The following LRRC3B variants were observed in gnomAD, a reference collection of about 807,000 sequenced individuals.
LRRC3B encodes the protein leucine rich repeat containing 3B, also known as leucine-rich repeat-containing protein 3B.
A neutral mutation model predicts 12.8 loss-of-function variants in LRRC3B; 2 were observed. The observed-to-expected ratio is 0.16, with a 90% CI of 0.06 to 0.49. The LOEUF (loss-of-function observed/expected upper bound fraction) is 0.49, where lower values mean the gene tolerates loss of function less well. Among genes scored for constraint, LRRC3B ranks in the 20% least tolerant of loss-of-function variants. LRRC3B has a pLI of 0.96. For missense variants in LRRC3B, 189 were observed against 319.4 expected, an observed-to-expected ratio of 0.59 and a Z score of 3.11; for synonymous variants, 132 against 122.0, an observed-to-expected ratio of 1.08 and a Z score of -0.54.
chr3:26,705,232 A>G (rs1196005855), intron 1 of LRRC3B, among the ~76,000 whole-genome samples: 1 of 152,212 alleles, frequency 6.6e-6, no homozygotes, highest in Non-Finnish European at 1.5e-5. Context: ...CAATCCCAGA[A>G]TTAACTGCTG....
intron 1 of LRRC3B, among the ~76,000 whole-genome samples, chr3:26,661,729 G>C (rs1280102630): frequency 6.6e-6 from 1 of 152,066 alleles, no homozygotes; most frequent in African/African-American, 2.4e-5. Flanking sequence ...GTTTATAGTA[G>C]TGGCCACACT....
intron 1 of LRRC3B, among the ~76,000 whole-genome samples, chr3:26,678,158 G>A (rs1661438721): frequency 6.6e-6 from 1 of 151,994 alleles, no homozygotes; most frequent in African/African-American, 2.4e-5. Flanking sequence ...ACATATGAAA[G>A]TCCAAGAGGC....
intron 1 of LRRC3B, among the ~76,000 whole-genome samples, chr3:26,648,074 A>G (rs570569791): frequency 6.6e-6 from 1 of 152,096 alleles, no homozygotes; most frequent in East Asian, 1.9e-4. Context: ...GTATGGTATA[A>G]AAAGTTTGGG....
chr3:26,677,735 C>T (rs1252374277), intron 1 of LRRC3B, among the ~76,000 whole-genome samples: 3 of 152,176 alleles, frequency 2.0e-5, no homozygotes, highest in Non-Finnish European at 4.4e-5. Flanking sequence ...TTCTTATTGT[C>T]AGTCAAAATT....
exon 2 of LRRC3B, chr3:26,710,110 C>T (rs982078064): frequency 3.1e-6 from 5 of 1,613,962 alleles, no homozygotes; most frequent in Admixed American, 3.3e-5. Flanking sequence ...CCAACAACCC[C>T]TGGCACTGCG....
intron 1 of LRRC3B, among the ~76,000 whole-genome samples, chr3:26,702,838 A>G (rs561701660): frequency 2.6e-5 from 4 of 152,136 alleles, no homozygotes; most frequent in Non-Finnish European, 5.9e-5. Context: ...TGGAGAACAG[A>G]AAAAAACTTC....
At chr3:26,652,153 G>T (rs1699277466) in intron 1 of LRRC3B, among the ~76,000 whole-genome samples, 1 of 152,204 alleles carries the variant, frequency 6.6e-6, no homozygotes, top group Non-Finnish European at 1.5e-5. Context: ...TGGAAGAAAA[G>T]TCAGAGGGTT....
In LRRC3B at chr3:26,674,422, T is replaced by C. The variant is rs376399144; in HGVS notation, c.-160-35091T>C. 9.8e-5 allele frequency among the ~76,000 whole-genome samples: 15 copies of C among 152,324 alleles called. 1 individual carries two copies. In the East Asian group the frequency reaches 1.5e-3, roughly 16 times the overall value. On this transcript the variant is annotated intron_variant, in intron 1 of 1. Transcript: ENST00000396641. ...AGATCAAAATAAAGTAAAATATTGG[T>C]ATTATGCAAATGACTTAGTACTTGG...
intron 1 of LRRC3B, among the ~76,000 whole-genome samples, chr3:26,677,377 C>T (rs1699882172): frequency 6.6e-6 from 1 of 152,194 alleles, no homozygotes; most frequent in Non-Finnish European, 1.5e-5. Flanking sequence ...GAGGTTCAGC[C>T]AGTGACTGGC....
intron 1 of LRRC3B, among the ~76,000 whole-genome samples, chr3:26,640,280 G>A (rs935054266): frequency 6.6e-6 from 1 of 152,048 alleles, no homozygotes. Flanking sequence ...ATCACCCTGT[G>A]TCTTGTTCAA....
intron 1 of LRRC3B, among the ~76,000 whole-genome samples, chr3:26,686,240 C>T (rs981679121): frequency 2.3e-4 from 35 of 152,040 alleles, no homozygotes; most frequent in South Asian, 4.1e-4. Flanking sequence ...CCACCACGCC[C>T]GGCTAATTTT....
intron 1 of LRRC3B, among the ~76,000 whole-genome samples, chr3:26,682,911 G>C (rs187506769): frequency 6.6e-6 from 1 of 152,264 alleles, no homozygotes; most frequent in East Asian, 1.9e-4. Context: ...TGTAAAATCT[G>C]AGATTTTCTA....
intron 1 of LRRC3B, among the ~76,000 whole-genome samples, chr3:26,658,333 T>C (rs1368851822): frequency 3.9e-5 from 6 of 152,342 alleles, no homozygotes; most frequent in African/African-American, 9.6e-5. Flanking sequence ...GCTGGGATTA[T>C]AGGCGTGAGC....
intron 1 of LRRC3B, among the ~76,000 whole-genome samples, chr3:26,667,119 G>T: frequency 9.8e-6 from 1 of 101,540 alleles, no homozygotes; most frequent in Non-Finnish European, 2.3e-5. Flanking sequence ...TCACTTTCAA[G>T]AAAAAAAAAA....
chr3:26,674,901 G>C (rs918855866), intron 1 of LRRC3B, among the ~76,000 whole-genome samples: 2 of 152,140 alleles, frequency 1.3e-5, no homozygotes, highest in Non-Finnish European at 1.5e-5. Context: ...TTTTCCTGAA[G>C]ATTTCCCAAA....
intron 1 of LRRC3B, among the ~76,000 whole-genome samples, chr3:26,648,284 A>C (rs1699194061): frequency 6.6e-6 from 1 of 152,130 alleles, no homozygotes; most frequent in African/African-American, 2.4e-5. Flanking sequence ...TAGAAGTGTG[A>C]AAATCATCCT....
chr3:26,701,410 T>G (rs1700451157), intron 1 of LRRC3B: 1 of 152,270 alleles, frequency 6.6e-6, no homozygotes, highest in African/African-American at 2.4e-5. Context: ...CCCCTGACTC[T>G]GATAGTGGAT....
chr3:26,682,902 G>A (rs1400202881), intron 1 of LRRC3B, among the ~76,000 whole-genome samples: 1 of 152,154 alleles, frequency 6.6e-6, no homozygotes, highest in Non-Finnish European at 1.5e-5. Flanking sequence ...CCCAAACAAT[G>A]TAAAATCTGA....
In LRRC3B at chr3:26,689,505, T is replaced by G. The variant is rs57195395; in HGVS notation, c.-160-20008T>G. On this transcript the variant is annotated intron_variant, in intron 1 of 1. Coordinates refer to ENST00000396641, the Ensembl canonical transcript of LRRC3B. ...CTCTTCATCTTTCCAGATTTTAGTTTTCATGAATTAAATACTGTTGTTTCC... is the reference window on the plus strand; with the variant it reads ...CTCTTCATCTTTCCAGATTTTAGTTGTCATGAATTAAATACTGTTGTTTCC... Among the ~76,000 whole-genome samples the G allele has an allele frequency of 0.013, 1,949 of 152,256 alleles. 84 individuals carry two copies. The East Asian group carries it at 0.14, about 11-fold the overall frequency.
Sources: gnomAD v4.1 joint callset for allele counts (sites outside exome capture counted in the v4.1 genomes callset) on GRCh38, gnomAD v4.1.1 for gene constraint, MANE v1.5 for transcripts, NCBI Gene and HGNC (gene_info 2026-07-23, HGNC 2026-07-21) for gene names.